Variants in RGMA observed in about 807,000 individuals in gnomAD.
RGMA encodes repulsive guidance molecule BMP co-receptor a.
A neutral mutation model predicts 23.2 loss-of-function variants in RGMA; 10 were observed. The ratio of observed to expected loss-of-function variants is 0.43; its 90% CI spans 0.27 to 0.73. The LOEUF is 0.73. Among genes scored for constraint, RGMA ranks in the 30% least tolerant of loss-of-function variants. The probability of loss-of-function intolerance (pLI) is 0.20; values close to 1 mark genes in which losing one functional copy is unlikely to be tolerated. For missense variants in RGMA, 547 were observed against 630.5 expected, an observed-to-expected ratio of 0.87 and a Z score of 1.42; for synonymous variants, 308 against 279.3, an observed-to-expected ratio of 1.10 and a Z score of -1.03.
chr15:93,062,219 C>A (rs947359650), intron 2 of RGMA, among the ~76,000 whole-genome samples: 2 of 152,184 alleles, frequency 1.3e-5, no homozygotes, highest in African/African-American at 4.8e-5. Context: ...AAGTTCTGGA[C>A]CCTTCTATGT....
At chr15:93,052,780 A>T (rs2054949288) in intron 2 of RGMA, among the ~76,000 whole-genome samples, 1 of 152,210 alleles carries the variant, frequency 6.6e-6, no homozygotes, top group Non-Finnish European at 1.5e-5. Flanking sequence ...GGGAGTGGTC[A>T]CTGTTTGGGG....
chr15:93,063,813 C>T (rs1895050570), intron 2 of RGMA, among the ~76,000 whole-genome samples: 3 of 152,206 alleles, frequency 2.0e-5, no homozygotes, highest in Admixed American at 6.5e-5. Context: ...GGGAGCTTCT[C>T]AGGGAACCTC....
intron 2 of RGMA, among the ~76,000 whole-genome samples, chr15:93,071,500 A>G (rs556426225): frequency 1.6e-4 from 25 of 152,310 alleles, no homozygotes; most frequent in African/African-American, 6.0e-4. Flanking sequence ...TATGGAACCT[A>G]GGTCTGGAGA....
At chr15:93,073,143 C>CG in intron 1 of RGMA, 112 bp from the exon 2 acceptor site, 1 of 1,239,888 alleles carries the variant, frequency 8.1e-7, no homozygotes, top group Non-Finnish European at 1.0e-6. Flanking sequence ...ACCTCGGCCG[C>CG]GGGCGCCCGG....
intron 2 of RGMA, among the ~76,000 whole-genome samples, chr15:93,063,566 C>A (rs184331974): frequency 0.019 from 2,896 of 152,322 alleles, 93 homozygotes; most frequent in African/African-American, 0.065. Context: ...AGGTGTTTGG[C>A]ATCAGATACC....
chr15:93,066,484 GTCCCA>G (rs200029720), intron 2 of RGMA: 40,757 of 541,560 alleles, frequency 0.075, 1,764 homozygotes, highest in African/African-American at 0.09. Context: ...CACCAAGGGG[GTCCCA>G]TCCCAGCAGC....
intron 1 of RGMA, among the ~76,000 whole-genome samples, chr15:93,077,440 T>C (rs1596106516): frequency 6.6e-6 from 1 of 152,226 alleles, no homozygotes; most frequent in East Asian, 1.9e-4. Flanking sequence ...CATGCCCTCC[T>C]TGCTGCTGGC....
chr15:93,049,023 T>C (rs2054874587), intron 3 of RGMA, among the ~76,000 whole-genome samples: 2 of 152,248 alleles, frequency 1.3e-5, no homozygotes, highest in Admixed American at 6.5e-5. Context: ...GACAGGCTGC[T>C]TGACTCTTCT....
chr15:93,080,246 T>A (rs1041098533), intron 1 of RGMA, among the ~76,000 whole-genome samples: 2 of 152,194 alleles, frequency 1.3e-5, no homozygotes, highest in Admixed American at 6.5e-5. Flanking sequence ...TCGCCCAGGC[T>A]GGAGTAGCAT....
intron 2 of RGMA, among the ~76,000 whole-genome samples, chr15:93,062,113 G>A (rs1243306620): frequency 6.6e-6 from 1 of 152,054 alleles, no homozygotes; most frequent in Non-Finnish European, 1.5e-5. Flanking sequence ...CTCTTAAAGG[G>A]GTAAGGCTCA....
At chr15:93,073,084 G>A (rs1895389492) in intron 1 of RGMA, 53 bp from the exon 2 acceptor site, 5 of 1,475,652 alleles carry the variant, frequency 3.4e-6, no homozygotes, top group Non-Finnish European at 4.5e-6. Flanking sequence ...TGCGAAGAAA[G>A]GGCAGCCTCG....
At chr15:93,055,641 C>A (rs1195459762) in intron 2 of RGMA, among the ~76,000 whole-genome samples, 1 of 152,226 alleles carries the variant, frequency 6.6e-6, no homozygotes, top group Non-Finnish European at 1.5e-5. Flanking sequence ...TGGGCTCCAG[C>A]CTCTCCTGCA....
In RGMA at chr15:93,036,649, C is replaced by T. The variant is rs1293745471; in HGVS notation, c.*8349G>A. The T allele has an allele frequency of 2.0e-5, 3 of 152,316 alleles. No homozygotes were observed. The highest frequency in any genetic ancestry group is 4.4e-5 in the Non-Finnish European group (3 of 68,110). 9.4% of individuals were successfully genotyped at this position (152,316 alleles called of 1,614,324 possible). A position where few individuals can be genotyped will look rare whatever the true frequency, so the allele number is the denominator to read the frequency against. On this transcript the variant is annotated 3_prime_UTR_variant, in exon 4 of 4. Transcript: ENST00000329082. ...CCTCTGCTCACCCCAGAACCAGAGC[C>T]CTGGTTTGACTCCGCCCCTGCTGTG...
chr15:93,073,281 A>G, intron 1 of RGMA: 3 of 858,992 alleles, frequency 3.5e-6, no homozygotes, highest in Non-Finnish European at 4.4e-6. Flanking sequence ...CTCGGGTTTC[A>G]GCGAGGCCGG....
intron 2 of RGMA, among the ~76,000 whole-genome samples, chr15:93,061,561 G>A (rs1343863655): frequency 1.3e-5 from 2 of 152,216 alleles, no homozygotes; most frequent in African/African-American, 4.8e-5. Context: ...TCACTCTTTT[G>A]GGGAGGGGGG....
At chr15:93,060,302 TA>T (rs1453677690) in intron 2 of RGMA, among the ~76,000 whole-genome samples, 1 of 152,180 alleles carries the variant, frequency 6.6e-6, no homozygotes, top group African/African-American at 2.4e-5. Flanking sequence ...TATGGGGTAT[TA>T]TGTGCACTGC....
chr15:93,059,708 G>A (rs533849828), intron 2 of RGMA, among the ~76,000 whole-genome samples: 13 of 152,124 alleles, frequency 8.5e-5, no homozygotes, highest in Admixed American at 2.0e-4. Flanking sequence ...TGCCTCCACG[G>A]CACTAAATCA....
chr15:93,048,188 G>T (rs1323119250), intron 3 of RGMA, among the ~76,000 whole-genome samples: 2 of 152,190 alleles, frequency 1.3e-5, no homozygotes, highest in Non-Finnish European at 2.9e-5. Context: ...TGGCTTTGTG[G>T]GTTCCCCATA....
At chr15:93,087,247 C>G (rs1043682377) in intron 1 of RGMA, among the ~76,000 whole-genome samples, 2 of 152,130 alleles carry the variant, frequency 1.3e-5, no homozygotes, top group African/African-American at 4.8e-5. Context: ...CAGCTCACTG[C>G]TAATATATTA....
Sources: gnomAD v4.1 joint callset for allele counts (sites outside exome capture counted in the v4.1 genomes callset) on GRCh38, gnomAD v4.1.1 for gene constraint, MANE v1.5 for transcripts, NCBI Gene and HGNC (gene_info 2026-07-23, HGNC 2026-07-21) for gene names.